Variants in NECTIN4 observed in about 807,000 individuals in gnomAD.
NECTIN4 encodes nectin-4.
In NECTIN4, 19 loss-of-function variants were observed where a neutral mutation model predicts 51.7. The ratio of observed to expected loss-of-function variants is 0.37; its 90% CI spans 0.26 to 0.54. NECTIN4 has a LOEUF of 0.54. Ranked by LOEUF, NECTIN4 falls within the 20% of genes least tolerant of loss-of-function variation. The probability of loss-of-function intolerance (pLI) is 0.86; values close to 1 mark genes in which losing one functional copy is unlikely to be tolerated. For missense variants in NECTIN4, 619 were observed against 662.4 expected (o/e 0.93, Z 0.72); for synonymous variants, 283 against 286.9 (o/e 0.99, Z 0.14).
At chr1:161,082,638 A>G (rs1653737778) in intron 1 of NECTIN4, among the ~76,000 whole-genome samples, 1 of 152,068 alleles carries the variant, frequency 6.6e-6, no homozygotes, top group South Asian at 2.1e-4. Context: ...CCCAGATGGG[A>G]CAGGATAGAC....
intron 7 of NECTIN4, 140 bp from the exon 8 acceptor site, chr1:161,073,439 A>G (rs2101656821): frequency 1.3e-6 from 1 of 765,756 alleles, no homozygotes; most frequent in Admixed American, 2.2e-5. Flanking sequence ...GGAAACAAAC[A>G]TCCTCATTTC....
At chr1:161,081,791 G>A (rs1304022788) in intron 1 of NECTIN4, among the ~76,000 whole-genome samples, 2 of 151,884 alleles carry the variant, frequency 1.3e-5, no homozygotes, top group South Asian at 2.1e-4. Context: ...TTTCCAGCAG[G>A]AGTCCTCCCT....
intron 1 of NECTIN4, among the ~76,000 whole-genome samples, chr1:161,080,847 A>T (rs764186954): frequency 6.6e-6 from 1 of 152,212 alleles, no homozygotes; most frequent in Non-Finnish European, 1.5e-5. Flanking sequence ...CCCTGCTCTC[A>T]TGGGACTTGA....
chr1:161,077,460 G>C lies in NECTIN4; in HGVS notation c.723C>G (p.His241Gln), dbSNP rs140618817. Residue 241 changes from histidine (H) to glutamine (Q), a missense_variant, in exon 3 of 9, where the codon CAC (histidine) becomes CAG (glutamine). Physicochemically the swap from His to Gln is conservative, Grantham distance 24 (BLOSUM62 0). Coordinates refer to ENST00000368012, the MANE Select transcript of NECTIN4 (RefSeq NM_030916.3). ...AAGCATCCAAGTACTTACAGGACAC[G>C]TGGAGGATGTGGGTGATCCTTTGGT... ...LQDQRITHIL[H>Q]VSFLAEASVR... The C allele has an allele frequency of 1.2e-6, 2 of 1,614,118 alleles. No homozygotes were observed. The highest frequency in any genetic ancestry group is 3.3e-5 in the Admixed American group (2 of 60,032).
At chr1:161,081,720 A>C (rs1442874631) in intron 1 of NECTIN4, among the ~76,000 whole-genome samples, 1 of 152,012 alleles carries the variant, frequency 6.6e-6, no homozygotes, top group African/African-American at 2.4e-5. Flanking sequence ...GCTGCCTGGA[A>C]TGCCCTCCTC....
chr1:161,072,685 G>C lies in NECTIN4; in HGVS notation c.1509C>G (p.Ile503Met). ...GTCAGACCAGGTGTCCCCGCCCATT[G>C]ATGTAGATGCCATTGCCCGTGGGCT... ...RAKPTGNGIY[I>M]NGRGHLV is the part of the protein sequence containing the mutation. Residue 503 changes from isoleucine to methionine, a missense_variant, in exon 9 of 9, where the codon ATC (isoleucine) becomes ATG (methionine). By Grantham distance (10) the Ile-to-Met change is conservative. Around this residue, in one of 3 missense-constraint regions of NECTIN4, gnomAD observed 364 missense variants for 415.7 expected, o/e 0.88. Transcript: ENST00000368012. 1 of 1,614,226 alleles carries C rather than the reference G, an allele frequency of 6.2e-7. No homozygotes were observed. Among genetic ancestry groups the C allele is most frequent in the South Asian group, 1.1e-5 (1 of 91,084 alleles).
intron 4 of NECTIN4, among the ~76,000 whole-genome samples, chr1:161,075,374 TAAC>T (rs1199784832): frequency 6.6e-6 from 1 of 152,216 alleles, no homozygotes; most frequent in Non-Finnish European, 1.5e-5. Flanking sequence ...AGTGTTGGCT[TAAC>T]AACAATTAGA....
Position 161,077,685 on chromosome 1 carries a change from G to A in NECTIN4, c.498C>T (p.Thr166=). The A allele has an allele frequency of 6.2e-7, 1 of 1,613,078 alleles. No individual in the cohort carries two copies. The highest frequency in any genetic ancestry group is 1.3e-5 in the African/African-American group (1 of 75,032). ...CCTCAGCTGTGCAGGAGGCTGCCAGGGTCAGGCCCTGGCCCTCTTCTAGTG... is the reference window on the plus strand; with the variant it reads ...CCTCAGCTGTGCAGGAGGCTGCCAGAGTCAGGCCCTGGCCCTCTTCTAGTG... ...GPALEEGQGL[T]LAASCTAEGS... The change falls in exon 3 of 9, where the codon ACC becomes ACT. Residue 166 remains threonine, a synonymous_variant. Transcript: ENST00000368012.
chr1:161,085,726 T>A (rs1322073020), intron 1 of NECTIN4, among the ~76,000 whole-genome samples: 1 of 142,440 alleles, frequency 7.0e-6, no homozygotes, highest in African/African-American at 2.6e-5. Flanking sequence ...TGACACAGAG[T>A]CTCACTCTGT....
chr1:161,089,530 C>A lies in NECTIN4; in HGVS notation c.-234G>T. ...GGAGCTCCGAGCTCCCCCAGAGCTGCTTCCCACGCTGTGGCCAACAACGAC... is the reference window on the plus strand; with the variant it reads ...GGAGCTCCGAGCTCCCCCAGAGCTGATTCCCACGCTGTGGCCAACAACGAC... On this transcript the variant is annotated 5_prime_UTR_variant, in exon 1 of 9. Coordinates refer to ENST00000368012, the MANE Select transcript of NECTIN4 (RefSeq NM_030916.3). The surrounding 1 kb of genome is among the most constrained non-coding windows in gnomAD (Gnocchi z 4.1). 1 of 569,404 alleles carries A rather than the reference C, an allele frequency of 1.8e-6. No homozygotes were observed. The highest frequency in any genetic ancestry group is 2.0e-5 in the South Asian group (1 of 50,376). The allele number at this position is 569,404 out of a possible 1,614,324, so 35.3% of individuals were successfully genotyped here. A position where few individuals can be genotyped will look rare whatever the true frequency, so the allele number is the denominator to read the frequency against.
At position 161,079,811 on chromosome 1, in the gene NECTIN4, C is replaced by G. The variant is rs768293180; in HGVS notation, c.218G>C (p.Gly73Ala). 3 of 1,613,498 alleles carry G rather than the reference C, an allele frequency of 1.9e-6. No homozygotes were observed. The highest frequency in any genetic ancestry group is 2.5e-6 in the Non-Finnish European group (3 of 1,180,010). Residue 73 changes from glycine to alanine, a missense_variant, in exon 2 of 9, where the codon GGC (glycine) becomes GCC (alanine). This residue lies in a region of NECTIN4 where 218 missense variants were observed against 186.3 expected (regional missense o/e 1.17). Transcript: ENST00000368012. ...TAGCGCTAGTTCCTGGGCGCCTTCG[C>G]CCGCGTCCACCCGAGCCCATGCCAC... The part of the protein sequence containing the change: ...GQVAWARVDA[G>A]EGAQELALLH...
At chr1:161,075,980 G>A (rs1032800362) in intron 4 of NECTIN4, among the ~76,000 whole-genome samples, 3 of 152,050 alleles carry the variant, frequency 2.0e-5, no homozygotes, top group Non-Finnish European at 2.9e-5. Context: ...GGAGGCTGAG[G>A]CAGGAGAACT....
intron 1 of NECTIN4, among the ~76,000 whole-genome samples, chr1:161,081,380 G>A (rs945629248): frequency 1.3e-5 from 2 of 152,000 alleles, no homozygotes; most frequent in South Asian, 4.1e-4. Context: ...TCTGGGGGGA[G>A]ATTTGACAGG....
At chr1:161,078,162 A>T (rs993373856) in intron 2 of NECTIN4, among the ~76,000 whole-genome samples, 2 of 152,186 alleles carry the variant, frequency 1.3e-5, no homozygotes, top group Admixed American at 6.5e-5. Context: ...AAGTTAAGTG[A>T]CTATCCCAAG....
chr1:161,082,273 A>G (rs1245273750), intron 1 of NECTIN4, among the ~76,000 whole-genome samples: 1 of 152,090 alleles, frequency 6.6e-6, no homozygotes, highest in Non-Finnish European at 1.5e-5. Context: ...GGTTGCAGTG[A>G]GCTAAGATCA....
At chr1:161,074,821 G>A in intron 4 of NECTIN4, 62 bp from the exon 5 acceptor site, 8 of 1,560,574 alleles carry the variant, frequency 5.1e-6, no homozygotes, top group South Asian at 1.1e-5. Flanking sequence ...ACCACCCAAC[G>A]TGTCCAGACA....
intron 7 of NECTIN4, 79 bp downstream of exon 7, chr1:161,073,641 G>T: frequency 8.1e-7 from 1 of 1,229,294 alleles, no homozygotes; most frequent in Non-Finnish European, 1.2e-6. Flanking sequence ...TGTGCTCCTG[G>T]TCTGCAGAGG....
At chr1:161,084,047 G>C (rs768636887) in intron 1 of NECTIN4, among the ~76,000 whole-genome samples, 1 of 152,212 alleles carries the variant, frequency 6.6e-6, no homozygotes, top group Non-Finnish European at 1.5e-5. Flanking sequence ...GTAGGGGATC[G>C]TAGAGGTGGG....
chr1:161,074,086 C>T (rs1244917017), intron 6 of NECTIN4, 131 bp downstream of exon 6: 1 of 1,172,024 alleles, frequency 8.5e-7, no homozygotes, highest in African/African-American at 1.5e-5. Context: ...CCTAGAAACA[C>T]CCTGCCCACC....
Sources: gnomAD v4.1 joint callset for allele counts (sites outside exome capture counted in the v4.1 genomes callset) on GRCh38, gnomAD v4.1.1 for gene constraint, gnomAD v4.1.1 regional missense constraint, Gnocchi (gnomAD v3.1) non-coding constraint, MANE v1.5 for transcripts, NCBI Gene and HGNC (gene_info 2026-07-23, HGNC 2026-07-21) for gene names.